The following ZNF276 variants were observed in gnomAD, a reference collection of about 807,000 sequenced individuals.
ZNF276 encodes centromere protein Z.
Under a neutral mutation model 63.9 loss-of-function variants are expected in ZNF276, and 59 were observed. The ratio of observed to expected loss-of-function variants is 0.92; its 90% CI spans 0.75 to 1.15. The LOEUF is 1.15. ZNF276 is among the 50% of genes most tolerant of loss of function. The pLI is 0.00. For missense variants in ZNF276, 1,084 were observed against 843.8 expected, an observed-to-expected ratio of 1.28 and a Z score of -3.53; for synonymous variants, 496 against 348.4, an observed-to-expected ratio of 1.42 and a Z score of -4.72.
rs780450614 is a variant in ZNF276 at position 89,737,819 on chromosome 16, T to C, written c.1488T>C (p.Tyr496=). 2 of 1,614,148 alleles carry C rather than the reference T, an allele frequency of 1.2e-6. No homozygotes were observed. The highest frequency in any genetic ancestry group is 1.7e-6 in the Non-Finnish European group (2 of 1,180,022). ...CTCCCCTCTCAGAGGTGCGGAACTA[T>C]ATCTGTGACGAATGTGGACAAACCT... The part of the protein sequence containing the change: ...VKLIHTEVRN[Y]ICDECGQTFK... The change falls in exon 10 of 11, where the codon TAT becomes TAC. Residue 496 remains tyrosine, a synonymous_variant. Coordinates refer to ENST00000443381, the MANE Select transcript of ZNF276 (RefSeq NM_001113525.2).
rs376355528 is a variant in ZNF276 at position 89,723,196 on chromosome 16, C to T, written c.556+13C>T. On this transcript the variant is annotated intron_variant, in intron 3 of 10. Coordinates refer to ENST00000443381, the MANE Select transcript of ZNF276 (RefSeq NM_001113525.2). ...GGAGCGTGTCTGGGTGAGTCCTCCCCCGGTGGAGGGTGGGCTGGGTGCCGA... is the reference window on the plus strand; with the variant it reads ...GGAGCGTGTCTGGGTGAGTCCTCCCTCGGTGGAGGGTGGGCTGGGTGCCGA... 46 of 1,613,102 alleles carry T rather than the reference C, an allele frequency of 2.9e-5. No homozygotes were observed. The highest frequency in any genetic ancestry group is 3.6e-5 in the Non-Finnish European group (42 of 1,180,034).
At chr16:89,732,574 A>C (rs781347007) in intron 6 of ZNF276, 4 of 173,936 alleles carry the variant, frequency 2.3e-5, no homozygotes, top group Non-Finnish European at 5.0e-5. Flanking sequence ...TATGTGTAGC[A>C]CAGGGTGAAG....
chr16:89,720,906 G>A (rs1441227187), upstream of ZNF276: 6 of 1,279,380 alleles, frequency 4.7e-6, no homozygotes, highest in African/African-American at 3.1e-5. Flanking sequence ...GGGGCTGGAC[G>A]GGCGACCGGA....
At chr16:89,720,681 G>T, upstream of ZNF276, 2 of 1,285,302 alleles carry the variant, frequency 1.6e-6, no homozygotes, top group Non-Finnish European at 2.0e-6. Flanking sequence ...AGCCCGAGCC[G>T]GCCCCGTCCT....
intron 6 of ZNF276, among the ~76,000 whole-genome samples, chr16:89,731,180 A>G (rs1393294927): frequency 1.3e-5 from 2 of 152,244 alleles, no homozygotes; most frequent in Non-Finnish European, 2.9e-5. Context: ...ACATGTGGCT[A>G]GGTCATGAAA....
chr16:89,739,193 C>T lies in ZNF276; in HGVS notation c.*947C>T. 6.2e-7 allele frequency: 1 copy of T among 1,614,170 alleles called. No individual in the cohort carries two copies. Among genetic ancestry groups the T allele is most frequent in the Non-Finnish European group, 8.5e-7 (1 of 1,180,048 alleles). On this transcript the variant is annotated 3_prime_UTR_variant, in exon 11 of 11. Coordinates refer to ENST00000443381, the MANE Select transcript of ZNF276 (RefSeq NM_001113525.2). Reference sequence around the variant, plus strand: ...GTGAAACTGTGCTTGTATCCCCAGCCACGAAGAGCTGGACCAGCTTCAAGT... The same window carrying T: ...GTGAAACTGTGCTTGTATCCCCAGCTACGAAGAGCTGGACCAGCTTCAAGT...
chr16:89,739,445 C>CCCAGCCCTGA lies in ZNF276; in HGVS notation c.*1209_*1218dup, dbSNP rs1567593604. On this transcript the variant is annotated 3_prime_UTR_variant, in exon 11 of 11. Coordinates refer to ENST00000443381, the MANE Select transcript of ZNF276 (RefSeq NM_001113525.2). ...TGAGATGGGGGTCTGGGAAACACTG[C>CCCAGCCCTGA]CCAGCCCTGACCAGCCCTGTGGGTG... The CCCAGCCCTGA allele has an allele frequency of 1.3e-6, 2 of 1,553,090 alleles. No individual in the cohort carries two copies. The highest frequency in any genetic ancestry group is 2.0e-5 in the Admixed American group (1 of 51,196).
In ZNF276 at chr16:89,738,525, GCAA is replaced by G. The variant is rs1322939633; in HGVS notation, c.*283_*285del. 6.3e-7 allele frequency: 1 copy of G among 1,598,270 alleles called. No homozygotes were observed. Among genetic ancestry groups the G allele is most frequent in the Non-Finnish European group, 8.6e-7 (1 of 1,168,604 alleles). ...GGAGATTTGTAATCCACTTTTTAGTGCAACAAGAGCTCCATGTTATGCTTGTAA... is the reference window on the plus strand; with the variant it reads ...GGAGATTTGTAATCCACTTTTTAGTGCAAGAGCTCCATGTTATGCTTGTAA... On this transcript the variant is annotated 3_prime_UTR_variant, in exon 11 of 11. Transcript: ENST00000443381.
At position 89,738,340 on chromosome 16, in the gene ZNF276, AGG is replaced by A; in HGVS notation, c.*96_*97del. Reference sequence around the variant, plus strand: ...GTGTGCACCCGCATGGGAGGGTCGGAGGGTGCTGCCCGCCCTTGGTGCTGGAG... The same window carrying A: ...GTGTGCACCCGCATGGGAGGGTCGGAGTGCTGCCCGCCCTTGGTGCTGGAG... On this transcript the variant is annotated 3_prime_UTR_variant, in exon 11 of 11. Coordinates refer to ENST00000443381, the MANE Select transcript of ZNF276 (RefSeq NM_001113525.2). 1 of 1,494,190 alleles carries A rather than the reference AGG, an allele frequency of 6.7e-7. No individual in the cohort carries two copies. Among genetic ancestry groups the A allele is most frequent in the Non-Finnish European group, 8.9e-7 (1 of 1,120,950 alleles). The allele number at this position is 1,494,190 out of a possible 1,614,324, so 92.6% of individuals were successfully genotyped here. A position where few individuals can be genotyped will look rare whatever the true frequency, so the allele number is the denominator to read the frequency against.
rs1057067682 is a variant in ZNF276, at chr16:89,738,461, T to C, written c.*215T>C. ...GCTGAGTGACTCGGGGCCGGACAGT[T>C]CATAAATAATTGATTCCTTTCCCCA... On this transcript the variant is annotated 3_prime_UTR_variant, in exon 11 of 11. Coordinates refer to ENST00000443381, the MANE Select transcript of ZNF276 (RefSeq NM_001113525.2). 11 of 1,436,400 alleles carry C rather than the reference T, an allele frequency of 7.7e-6. No individual in the cohort carries two copies. The African/African-American group carries it at 1.6e-4, about 20-fold the overall frequency. The allele number at this position is 1,436,400 out of a possible 1,614,324, so 89.0% of individuals were successfully genotyped here.
At chr16:89,730,482 A>C (rs2061609631) in intron 6 of ZNF276, among the ~76,000 whole-genome samples, 1 of 152,156 alleles carries the variant, frequency 6.6e-6, no homozygotes, top group Non-Finnish European at 1.5e-5. Context: ...GGATCGAGGC[A>C]GATTCAGGAG....
Position 89,739,469 on chromosome 16 carries a change from T to G in ZNF276, c.*1223T>G, listed in dbSNP as rs1383806921. ...GCCCAGCCCTGACCAGCCCTGTGGGTGGAGGTACCTGTAAAAAGCGAAAGG... is the reference window on the plus strand; with the variant it reads ...GCCCAGCCCTGACCAGCCCTGTGGGGGGAGGTACCTGTAAAAAGCGAAAGG... On this transcript the variant is annotated 3_prime_UTR_variant, in exon 11 of 11. Transcript: ENST00000443381. 2 of 1,551,188 alleles carry G rather than the reference T, an allele frequency of 1.3e-6. No individual in the cohort carries two copies. Among genetic ancestry groups the G allele is most frequent in the East Asian group, 2.4e-5 (1 of 41,028 alleles).
chr16:89,738,610 A>G lies in ZNF276; in HGVS notation c.*364A>G, dbSNP rs777977318. The G allele has an allele frequency of 3.7e-6, 6 of 1,613,108 alleles. No individual in the cohort carries two copies. In the South Asian group the frequency reaches 5.5e-5, roughly 15 times the overall value. ...GCAGTGGCAGGTCCCGTCAGAAGAGATGAGGCTCCTGGGACAGGTCAGCGT... is the reference window on the plus strand; with the variant it reads ...GCAGTGGCAGGTCCCGTCAGAAGAGGTGAGGCTCCTGGGACAGGTCAGCGT... On this transcript the variant is annotated 3_prime_UTR_variant, in exon 11 of 11. Transcript: ENST00000443381.
chr16:89,726,706 C>T (rs1484235672), intron 4 of ZNF276, among the ~76,000 whole-genome samples: 1 of 151,882 alleles, frequency 6.6e-6, no homozygotes, highest in African/African-American at 2.4e-5. Flanking sequence ...GAGTGCAGTG[C>T]GCGATCTCGG....
At chr16:89,730,264 C>A (rs1371883519) in intron 6 of ZNF276, among the ~76,000 whole-genome samples, 1 of 152,130 alleles carries the variant, frequency 6.6e-6, no homozygotes, top group Non-Finnish European at 1.5e-5. Context: ...CCCGGGGGTC[C>A]CTACCCCCAG....
At position 89,721,798 on chromosome 16, in the gene ZNF276, C is replaced by T. The variant is rs551059631; in HGVS notation, c.158C>T (p.Pro53Leu). 8.0e-6 allele frequency: 10 copies of T among 1,254,120 alleles called. No individual in the cohort carries two copies. Among genetic ancestry groups the T allele is most frequent in the African/African-American group, 1.6e-5 (1 of 64,122 alleles). The allele number at this position is 1,254,120 out of a possible 1,614,324, so 77.7% of individuals were successfully genotyped here. Residue 53 changes from proline (P) to leucine (L), a missense_variant, in exon 1 of 11, where the codon CCG (proline) becomes CTG (leucine). Coordinates refer to ENST00000443381, the MANE Select transcript of ZNF276 (RefSeq NM_001113525.2). ...GCGACGGCGCGGCGCGCCTGGGGCC[C>T]GGTGGGGTCCTGCGGGGACGCGGGC... ...DGATARRAWG[P>L]VGSCGDAGED...
rs2061742795 is a variant in ZNF276, at chr16:89,733,463, T to A, written c.1281-19T>A. The A allele has an allele frequency of 6.2e-7, 1 of 1,614,080 alleles. No individual in the cohort carries two copies. The highest frequency in any genetic ancestry group is 1.3e-5 in the African/African-American group (1 of 74,948). On this transcript the variant is annotated intron_variant, in intron 7 of 10. Coordinates refer to ENST00000443381, the MANE Select transcript of ZNF276 (RefSeq NM_001113525.2). ...CCTGCCTGTCGGGGCCGGGGCTCCA[T>A]GCATGCTCTTCATTGCAGGGAGGAG...
rs375237681 is a variant in ZNF276 at position 89,739,196 on chromosome 16, G to A, written c.*950G>A. ...AAACTGTGCTTGTATCCCCAGCCAC[G>A]AAGAGCTGGACCAGCTTCAAGTACA... is the stretch of plus-strand genomic sequence containing the variant. On this transcript the variant is annotated 3_prime_UTR_variant, in exon 11 of 11. Coordinates refer to ENST00000443381, the MANE Select transcript of ZNF276 (RefSeq NM_001113525.2). 1.6e-5 allele frequency: 26 copies of A among 1,614,138 alleles called. No homozygotes were observed. Among genetic ancestry groups the A allele is most frequent in the East Asian group, 2.2e-5 (1 of 44,892 alleles).
intron 4 of ZNF276, among the ~76,000 whole-genome samples, chr16:89,725,128 T>G (rs1413485300): frequency 2.8e-5 from 4 of 144,266 alleles, no homozygotes; most frequent in Non-Finnish European, 6.1e-5. Context: ...GGGCCAGGCT[T>G]GGTCTCGAAC....
Sources: allele counts gnomAD v4.1 joint callset (sites outside exome capture counted in the v4.1 genomes callset), GRCh38; gene constraint gnomAD v4.1.1; transcripts MANE v1.5; gene names NCBI Gene and HGNC (gene_info 2026-07-23, HGNC 2026-07-21).